The following KLRD1 variants were observed in gnomAD, a reference collection of about 807,000 sequenced individuals.
KLRD1 encodes killer cell lectin like receptor D1.
A neutral mutation model predicts 22.6 loss-of-function variants in KLRD1; 21 were observed. The observed-to-expected ratio is 0.93, with a 90% CI of 0.66 to 1.34. KLRD1 has a LOEUF of 1.34. KLRD1 is among the 40% of genes most tolerant of loss of function. The pLI, the probability that KLRD1 is intolerant of heterozygous loss-of-function variation, is 0.00. For missense variants in KLRD1, 183 were observed against 208.6 expected (o/e 0.88, Z 0.76); for synonymous variants, 59 against 71.1 (o/e 0.83, Z 0.85).
chr12:10,294,444 T>C (rs1949804167), intron 1 of KLRD1, among the ~76,000 whole-genome samples: 1 of 152,092 alleles, frequency 6.6e-6, no homozygotes, highest in South Asian at 2.1e-4. Flanking sequence ...TATAGCCCAG[T>C]CTGGAGTGCA....
intron 1 of KLRD1, among the ~76,000 whole-genome samples, chr12:10,273,830 G>C (rs530613296): frequency 6.6e-6 from 1 of 152,080 alleles, no homozygotes; most frequent in African/African-American, 2.4e-5. Flanking sequence ...AAGTTATAAG[G>C]GTGGGTGGAG....
intron 1 of KLRD1, among the ~76,000 whole-genome samples, chr12:10,242,853 T>A (rs1359443211): frequency 6.6e-6 from 1 of 152,194 alleles, no homozygotes; most frequent in African/African-American, 2.4e-5. Flanking sequence ...TTTGCAGCAT[T>A]ATTTACAACA....
chr12:10,277,328 A>C lies in KLRD1; in HGVS notation c.-100-30650A>C, dbSNP rs536899969. 5.3e-5 allele frequency among the ~76,000 whole-genome samples: 8 copies of C among 152,246 alleles called. No homozygotes were observed. The South Asian group carries it at 1.0e-3, about 20-fold the overall frequency. On this transcript the variant is annotated intron_variant, in intron 1 of 5. Coordinates refer to the KLRD1 transcript ENST00000544747. Reference sequence around the variant, plus strand: ...AAAGCAAGGAGGAAGCGGAAAAGGGAAAAATATAAACAAATGTTATTAACT... The same window carrying C: ...AAAGCAAGGAGGAAGCGGAAAAGGGCAAAATATAAACAAATGTTATTAACT...
chr12:10,296,148 A>G (rs1292151158), intron 1 of KLRD1, among the ~76,000 whole-genome samples: 1 of 152,206 alleles, frequency 6.6e-6, no homozygotes, highest in Non-Finnish European at 1.5e-5. Flanking sequence ...CTGACTGACT[A>G]CAGACTGTAG....
At chr12:10,306,185 AAC>A (rs1949924142), upstream of KLRD1, among the ~76,000 whole-genome samples, 1 of 151,768 alleles carries the variant, frequency 6.6e-6, no homozygotes, top group Non-Finnish European at 1.5e-5. Flanking sequence ...AACAAAAACA[AAC>A]AAAAAAAGAA....
At chr12:10,275,614 G>T (rs1228535860) in intron 1 of KLRD1, among the ~76,000 whole-genome samples, 1 of 152,124 alleles carries the variant, frequency 6.6e-6, no homozygotes, top group Non-Finnish European at 1.5e-5. Context: ...TGCGGGAATT[G>T]TTGAGTTACT....
intron 1 of KLRD1, among the ~76,000 whole-genome samples, chr12:10,291,481 G>T (rs543362476): frequency 6.6e-5 from 10 of 151,948 alleles, no homozygotes; most frequent in Non-Finnish European, 7.4e-5. Flanking sequence ...ATTCTTTGTT[G>T]TCATTTCAAC....
chr12:10,254,513 C>G (rs12831232), intron 1 of KLRD1, among the ~76,000 whole-genome samples: 40 of 150,930 alleles, frequency 2.7e-4, no homozygotes, highest in South Asian at 2.1e-4. Context: ...AAACTATGCA[C>G]CTGACAAAGG....
chr12:10,276,141 T>A (rs757372042), intron 1 of KLRD1, among the ~76,000 whole-genome samples: 11 of 152,216 alleles, frequency 7.2e-5, no homozygotes, highest in African/African-American at 2.7e-4. Context: ...TTGTATGATA[T>A]ACTCTCAATC....
chr12:10,294,692 C>T (rs535773721), intron 1 of KLRD1, among the ~76,000 whole-genome samples: 8 of 152,202 alleles, frequency 5.3e-5, no homozygotes, highest in East Asian at 3.9e-4. Flanking sequence ...TGAGCCACTG[C>T]ACCCGGCCCC....
Position 10,311,550 on chromosome 12 carries a change from G to A in KLRD1, c.250G>A (p.Glu84Lys), listed in dbSNP as rs367614541. 18 of 1,613,986 alleles carry A rather than the reference G, an allele frequency of 1.1e-5. No homozygotes were observed. The highest frequency in any genetic ancestry group is 4.4e-5 in the South Asian group (4 of 91,082). ...FISSEQKTWN[E>K]SRHLCASQKS... ...TTCCAGTGAACAGAAAACTTGGAACGAAAGTCGGCATCTCTGTGCTTCTCA... is the reference window on the plus strand; with the variant it reads ...TTCCAGTGAACAGAAAACTTGGAACAAAAGTCGGCATCTCTGTGCTTCTCA... Residue 84 changes from glutamate (E) to lysine (K), a missense_variant, in exon 4 of 6, where the codon GAA becomes AAA. Physicochemically the swap from Glu to Lys is moderately conservative, Grantham distance 56. Coordinates refer to ENST00000336164, the MANE Select transcript of KLRD1 (RefSeq NM_002262.5).
intron 1 of KLRD1, among the ~76,000 whole-genome samples, chr12:10,262,714 T>G (rs1949464927): frequency 6.6e-6 from 1 of 152,076 alleles, no homozygotes. Flanking sequence ...AAATTCACAA[T>G]ATTTGCAAAA....
At chr12:10,278,243 A>G (rs1949609175) in intron 1 of KLRD1, among the ~76,000 whole-genome samples, 1 of 152,134 alleles carries the variant, frequency 6.6e-6, no homozygotes, top group Non-Finnish European at 1.5e-5. Context: ...TTCCTAGGTG[A>G]TAGTATTACT....
chr12:10,305,687 C>A (rs1949910956), upstream of KLRD1, among the ~76,000 whole-genome samples: 1 of 152,110 alleles, frequency 6.6e-6, no homozygotes, highest in Non-Finnish European at 1.5e-5. Context: ...GCAAGGCTTT[C>A]AGCAGTTATT....
intron 1 of KLRD1, among the ~76,000 whole-genome samples, chr12:10,257,482 CTTTTTTTT>C (rs56871156): frequency 2.1e-5 from 2 of 97,390 alleles, no homozygotes; most frequent in Non-Finnish European, 2.1e-5. Context: ...GTAGCTGATT[CTTTTTTTT>C]TTTTTTTTTT....
At chr12:10,275,560 GTT>G (rs1380287549) in intron 1 of KLRD1, among the ~76,000 whole-genome samples, 1 of 152,178 alleles carries the variant, frequency 6.6e-6, no homozygotes, top group East Asian at 1.9e-4. Context: ...AGCTGATTTA[GTT>G]TAAGTTTACC....
chr12:10,306,149 A>AGAGT (rs10658021), upstream of KLRD1, among the ~76,000 whole-genome samples: 1 of 150,850 alleles, frequency 6.6e-6, no homozygotes, highest in Non-Finnish European at 1.5e-5. Flanking sequence ...CCTGGGTGAC[A>AGAGT]GAGACTCCAT....
At position 10,322,694 on chromosome 12, in the gene KLRD1, C is replaced by G. The variant is rs1950322396; in HGVS notation, c.*7901C>G. On this transcript the variant is annotated 3_prime_UTR_variant, in exon 6 of 6. Coordinates refer to ENST00000336164, the MANE Select transcript of KLRD1 (RefSeq NM_002262.5). ...TACCTCTTCATATATTTTAATTGAG[C>G]AAAAACACAATAAAGAATACCTATC... 1 of 151,992 alleles carries G rather than the reference C, an allele frequency of 6.6e-6. No homozygotes were observed. The highest frequency in any genetic ancestry group is 1.5e-5 in the Non-Finnish European group (1 of 67,974). 9.4% of individuals were successfully genotyped at this position (151,992 alleles called of 1,614,324 possible).
intron 1 of KLRD1, among the ~76,000 whole-genome samples, chr12:10,245,272 C>T (rs1421392481): frequency 5.9e-5 from 9 of 152,264 alleles, no homozygotes; most frequent in East Asian, 1.9e-4. Context: ...GCAGGAGAAT[C>T]GCTTGAACCT....
Sources: allele counts gnomAD v4.1 joint callset (sites outside exome capture counted in the v4.1 genomes callset), GRCh38; gene constraint gnomAD v4.1.1; transcripts MANE v1.5; gene names NCBI Gene and HGNC (gene_info 2026-07-23, HGNC 2026-07-21).